The following OBSL1 variants were observed in gnomAD, a reference collection of about 807,000 sequenced individuals.
OBSL1 encodes the protein obscurin-like protein 1.
OBSL1 carries 160 observed loss-of-function variants against 172.0 expected under a neutral mutation model. The ratio of observed to expected loss-of-function variants is 0.93; its 90% CI spans 0.82 to 1.06. The LOEUF (loss-of-function observed/expected upper bound fraction) is 1.06. Among genes scored for constraint, OBSL1 ranks in the 50% least tolerant of loss-of-function variants. OBSL1 has a pLI of 0.00. For synonymous variants in OBSL1, 1,200 were observed against 1,196.3 expected (o/e 1.00, Z -0.06); for missense variants, 2,681 against 2,715.4 (o/e 0.99, Z 0.28).
rs374308648 is a variant in OBSL1, at chr2:219,570,286, A to G, written c.947T>C (p.Leu316Pro). 4.4e-5 allele frequency: 71 copies of G among 1,607,454 alleles called. No individual in the cohort carries two copies. Among genetic ancestry groups the G allele is most frequent in the Non-Finnish European group, 5.9e-5 (69 of 1,175,502 alleles). Residue 316 changes from leucine to proline, a missense_variant, in exon 1 of 21, where the codon CTC becomes CCC. Physicochemically the swap from Leu to Pro is moderately conservative, Grantham distance 98 (BLOSUM62 -3). Coordinates refer to ENST00000404537, the MANE Select transcript of OBSL1 (RefSeq NM_015311.3). ...VLYCQAKDRG[L>P]YVCAARNSAG... ...CGAGTTGCGCGCGGCGCAGACGTAG[A>G]GCCCACGATCCTTGGCCTGGCAGTA...
rs368952984 is a variant in OBSL1 at position 219,565,459 on chromosome 2, G to C, written c.2190C>G (p.Thr730=). 3.6e-4 allele frequency: 585 copies of C among 1,613,124 alleles called. 1 individual carries two copies. In the African/African-American group the frequency reaches 6.8e-3, roughly 19 times the overall value. Residue 730 remains threonine, a synonymous_variant, in exon 6 of 21, where the codon ACC becomes ACG. Transcript: ENST00000404537. ...PQDRVSLTFT[T]SERVVLTCEL... ...CACAAGTCAGCACCACCCGCTCTGA[G>C]GTTGTGAAGGTCAACGACACCCTGT...
rs778271125 is a variant in OBSL1, at chr2:219,565,395, C to T, written c.2254G>A (p.Asp752Asn). 1.9e-6 allele frequency: 3 copies of T among 1,614,042 alleles called. No homozygotes were observed. The highest frequency in any genetic ancestry group is 2.5e-6 in the Non-Finnish European group (3 of 1,179,902). ...RVDFPATWYK[D>N]GQKVEESELL... The stretch of plus-strand genomic sequence containing the variant: ...TCGCTCTCCTCCACCTTCTGCCCAT[C>T]CTTGTACCAGGTTGCCGGGAAGTCC... The change falls in exon 6 of 21, where the codon GAT becomes AAT. Residue 752 changes from aspartate (D) to asparagine (N), a missense_variant. Physicochemically the swap from Asp to Asn is conservative, Grantham distance 23. Coordinates refer to ENST00000404537, the MANE Select transcript of OBSL1 (RefSeq NM_015311.3).
Position 219,556,015 on chromosome 2 carries a change from C to T in OBSL1, c.4609+5G>A. 2 of 1,613,160 alleles carry T rather than the reference C, an allele frequency of 1.2e-6. No individual in the cohort carries two copies. Among genetic ancestry groups the T allele is most frequent in the Non-Finnish European group, 1.7e-6 (2 of 1,179,742 alleles). On this transcript the variant is annotated splice_donor_5th_base_variant and intron_variant, in intron 14 of 20. Transcript: ENST00000404537. ...TAATGCATTAAGAGAGGACGGGGCA[C>T]TCACGCCTCACGCTGAGCCTGGCCA...
Position 219,557,421 on chromosome 2 carries a change from C to T in OBSL1, c.3988G>A (p.Gly1330Arg), listed in dbSNP as rs1412102810. Residue 1330 changes from glycine (G) to arginine (R), a missense_variant, in exon 12 of 21, where the codon GGG becomes AGG. Transcript: ENST00000404537. Reference sequence around the variant, plus strand: ...TCCCCAGCGTCCCCGCTCCGTGCCCCCTGCACCCGCAGCACCTGCCTGGCC... The same window carrying T: ...TCCCCAGCGTCCCCGCTCCGTGCCCTCTGCACCCGCAGCACCTGCCTGGCC... ...AGARQVLRVQ[G>R]ARSGDAGEYL... The T allele has an allele frequency of 5.8e-6, 9 of 1,549,116 alleles. No homozygotes were observed. Among genetic ancestry groups the T allele is most frequent in the Admixed American group, 2.0e-5 (1 of 51,040 alleles).
At chr2:219,552,735 AGGGCAGT>A (rs1397168077) in intron 17 of OBSL1, 38 bp from the exon 18 acceptor site, 2 of 1,514,304 alleles carry the variant, frequency 1.3e-6, no homozygotes, top group Non-Finnish European at 1.8e-6. Context: ...GGCGGGGCAG[AGGGCAGT>A]TACCGGTCAC....
At chr2:219,563,876 T>C (rs1696681764) in intron 6 of OBSL1, among the ~76,000 whole-genome samples, 1 of 151,990 alleles carries the variant, frequency 6.6e-6, no homozygotes, top group African/African-American at 2.4e-5. Flanking sequence ...GGTGAGTACA[T>C]AGAGAGAAGG....
At chr2:219,555,213 A>G (rs1454868574) in intron 14 of OBSL1, 2 of 159,574 alleles carry the variant, frequency 1.3e-5, no homozygotes, top group Non-Finnish European at 2.7e-5. Context: ...GAGATGTGTC[A>G]CAAATGACAA....
intron 8 of OBSL1, chr2:219,559,746 G>A (rs796263710): frequency 6.8e-5 from 33 of 488,438 alleles, no homozygotes; most frequent in East Asian, 2.8e-4. Context: ...CAGCCCCCAC[G>A]GGAGCCTCCC....
intron 8 of OBSL1, 82 bp downstream of exon 8, chr2:219,562,320 G>A (rs1696539155): frequency 6.6e-7 from 1 of 1,525,224 alleles, no homozygotes; most frequent in Non-Finnish European, 9.0e-7. Flanking sequence ...CCTCCCCGGG[G>A]TGCTAGCTGG....
intron 5 of OBSL1, among the ~76,000 whole-genome samples, chr2:219,566,236 G>A (rs912601232): frequency 2.0e-5 from 3 of 152,130 alleles, no homozygotes; most frequent in Non-Finnish European, 2.9e-5. Context: ...AAAACAAGCC[G>A]GGCATGGTGA....
At chr2:219,562,735 C>T in intron 7 of OBSL1, 61 bp from the exon 8 acceptor site, 1 of 1,486,884 alleles carries the variant, frequency 6.7e-7, no homozygotes, top group South Asian at 1.3e-5. Flanking sequence ...CCTCCCTGAC[C>T]CCGTTGTGTT....
intron 8 of OBSL1, chr2:219,561,796 A>G (rs1047573234): frequency 3.3e-5 from 23 of 702,244 alleles, no homozygotes; most frequent in Non-Finnish European, 5.9e-5. Flanking sequence ...AGGTTAGGTT[A>G]GCGGCTGAAG....
intron 6 of OBSL1, among the ~76,000 whole-genome samples, chr2:219,564,464 C>T (rs566631439): frequency 2.0e-5 from 3 of 152,298 alleles, no homozygotes; most frequent in East Asian, 1.9e-4. Flanking sequence ...TGCCCCTCAT[C>T]GAGTTGTGAA....
intron 16 of OBSL1, 141 bp from the exon 17 acceptor site, chr2:219,553,165 C>A: frequency 8.3e-7 from 1 of 1,206,440 alleles, no homozygotes; most frequent in Non-Finnish European, 1.1e-6. Flanking sequence ...AGGCTGGGGT[C>A]GGACTGTCCC....
rs376487302 is a variant in OBSL1 at position 219,565,474 on chromosome 2, C to G, written c.2175G>C (p.Ser725=). 1.9e-6 allele frequency: 3 copies of G among 1,612,364 alleles called. No individual in the cohort carries two copies. Among genetic ancestry groups the G allele is most frequent in the Non-Finnish European group, 2.5e-6 (3 of 1,179,874 alleles). ...VHILSPQDRV[S]LTFTTSERVV... ...CCCGCTCTGAGGTTGTGAAGGTCAACGACACCCTGTCCTGGGGGCTCAGGA... is the reference window on the plus strand; with the variant it reads ...CCCGCTCTGAGGTTGTGAAGGTCAAGGACACCCTGTCCTGGGGGCTCAGGA... The change falls in exon 6 of 21, where the codon TCG becomes TCC. Residue 725 remains serine, a synonymous_variant. Coordinates refer to ENST00000404537, the MANE Select transcript of OBSL1 (RefSeq NM_015311.3).
intron 9 of OBSL1, 39 bp downstream of exon 9, chr2:219,559,186 A>G: frequency 6.4e-7 from 1 of 1,554,908 alleles, no homozygotes; most frequent in East Asian, 2.3e-5. Context: ...TTAGCCCCCT[A>G]CCTCTCTACC....
At chr2:219,560,557 C>T (rs549491742) in intron 8 of OBSL1, among the ~76,000 whole-genome samples, 2 of 152,230 alleles carry the variant, frequency 1.3e-5, no homozygotes, top group South Asian at 2.1e-4. Context: ...TAGCCTCTGG[C>T]CCCCTGGTGG....
intron 9 of OBSL1, 81 bp from the exon 10 acceptor site, chr2:219,558,540 C>T: frequency 7.0e-7 from 1 of 1,434,236 alleles, no homozygotes; most frequent in Non-Finnish European, 9.3e-7. Context: ...CTCAGCCCTC[C>T]CCACTGGCAG....
rs1157710085 is a variant in OBSL1, at chr2:219,550,770, C to T, written c.*65G>A. On this transcript the variant is annotated 3_prime_UTR_variant, in exon 21 of 21. Coordinates refer to ENST00000404537, the MANE Select transcript of OBSL1 (RefSeq NM_015311.3). ...ATTGTTCCTTGTCTCTCTACCCCTG[C>T]CCAGGGTAAGGGCAAACGCCTTCCA... is the stretch of plus-strand genomic sequence containing the variant. The T allele has an allele frequency of 2.5e-6, 4 of 1,585,210 alleles. No individual in the cohort carries two copies. Among genetic ancestry groups the T allele is most frequent in the Non-Finnish European group, 3.4e-6 (4 of 1,163,886 alleles).
Sources: allele counts gnomAD v4.1 joint callset (sites outside exome capture counted in the v4.1 genomes callset), GRCh38; gene constraint gnomAD v4.1.1; transcripts MANE v1.5; gene names NCBI Gene and HGNC (gene_info 2026-07-23, HGNC 2026-07-21).